RNASE9: variants seen among roughly 807,000 people sequenced by gnomAD.
The protein encoded by RNASE9 is ribonuclease A family member 9 (inactive), also known as inactive ribonuclease-like protein 9.
For synonymous variants in RNASE9, 95 were observed against 87.6 expected (o/e 1.08, Z -0.47); for missense variants, 263 against 247.1 (o/e 1.06, Z -0.43).
intron 1 of RNASE9, among the ~76,000 whole-genome samples, chr14:20,559,972 T>C (rs545383619): frequency 3.9e-5 from 6 of 152,250 alleles, no homozygotes; most frequent in Non-Finnish European, 8.8e-5. Context: ...TTGGAGGGGT[T>C]GTCTATCTAG....
In RNASE9 at chr14:20,556,867, C is replaced by T. The variant is rs75768291; in HGVS notation, c.203G>A (p.Arg68His). 262 of 1,614,164 alleles carry T rather than the reference C, an allele frequency of 1.6e-4. 1 individual carries two copies. The African/African-American group carries it at 2.6e-3, about 16-fold the overall frequency. ...TGGCATTCCAGGTTCAATAAGGACA[C>T]GTCTTTTGACTTTTTCTTTGGTAGG... is the stretch of plus-strand genomic sequence containing the variant. The change falls in exon 3 of 3, where the codon CGT (arginine) becomes CAT (histidine). Residue 68 changes from arginine to histidine, a missense_variant. Coordinates refer to ENST00000555230, the Ensembl canonical transcript of RNASE9.
intron 2 of RNASE9, among the ~76,000 whole-genome samples, chr14:20,558,862 T>G (rs1013274473): frequency 6.6e-6 from 1 of 152,248 alleles, no homozygotes. Context: ...GTGAATTTTT[T>G]AAATACTGTA....
At chr14:20,559,410 G>A (rs564874514) in intron 2 of RNASE9, among the ~76,000 whole-genome samples, 172 bp downstream of exon 2, 1 of 150,110 alleles carries the variant, frequency 6.7e-6, no homozygotes, top group East Asian at 2.0e-4. Context: ...AAGAAAGAGA[G>A]ACAGAGGAGA....
At chr14:20,556,808 T>C (rs374132625) in exon 3 of RNASE9, 5 of 1,613,784 alleles carry the variant, frequency 3.1e-6, no homozygotes, top group Non-Finnish European at 4.2e-6. Flanking sequence ...TTTTTTCCCA[T>C]GATTTCATGG....
exon 3 of RNASE9, chr14:20,558,134 G>A (rs1292848500): frequency 1.3e-5 from 4 of 296,584 alleles, no homozygotes; most frequent in African/African-American, 8.6e-5. Context: ...GCTCCATGAA[G>A]AACCAATTAT....
exon 3 of RNASE9, chr14:20,557,944 T>C (rs1303042914): frequency 2.6e-5 from 4 of 153,210 alleles, no homozygotes; most frequent in African/African-American, 9.6e-5. Flanking sequence ...TCAAGCCTAT[T>C]TTTGTCTAAA....
At chr14:20,557,035 G>A (rs1883732476) in exon 3 of RNASE9, 1 of 1,612,842 alleles carries the variant, frequency 6.2e-7, no homozygotes, top group Non-Finnish European at 8.5e-7. Context: ...TAGAAGCAGG[G>A]GCAGTGGGTG....
intron 1 of RNASE9, among the ~76,000 whole-genome samples, chr14:20,560,100 A>G (rs948204039): frequency 1.3e-5 from 2 of 152,074 alleles, no homozygotes; most frequent in Admixed American, 1.3e-4. Flanking sequence ...TTGTAGGTGA[A>G]CCAATATGTT....
In RNASE9 at chr14:20,558,979, T is replaced by C. The variant is rs147653786; in HGVS notation, c.-1581-329A>G. 6.7e-3 allele frequency among the ~76,000 whole-genome samples: 1,028 copies of C among 152,314 alleles called. 7 individuals are homozygous for C. Among genetic ancestry groups the C allele is most frequent in the African/African-American group, 0.024 (996 of 41,564 alleles). On this transcript the variant is annotated intron_variant, in intron 2 of 2. Coordinates refer to ENST00000555230, the Ensembl canonical transcript of RNASE9. ...TTTTTCACATGGTTTATACATAATC[T>C]CATCATCAATTATTTGGGAAAAAAT...
exon 3 of RNASE9, chr14:20,556,458 C>A (rs565646838): frequency 2.5e-6 from 4 of 1,604,158 alleles, no homozygotes; most frequent in Admixed American, 3.3e-5. Flanking sequence ...TCTGCTAGGG[C>A]GATATGACAA....
exon 3 of RNASE9, chr14:20,556,818 G>A: frequency 6.2e-7 from 1 of 1,613,976 alleles, no homozygotes; most frequent in Non-Finnish European, 8.5e-7. Context: ...TGATTTCATG[G>A]TTACAGTACT....
exon 3 of RNASE9, chr14:20,556,790 A>G (rs1287045687): frequency 6.2e-7 from 1 of 1,613,740 alleles, no homozygotes; most frequent in Admixed American, 1.7e-5. Flanking sequence ...CGGTGTTTGT[A>G]GTAAACATTT....
exon 3 of RNASE9, chr14:20,556,281 CA>C (rs1273342777): frequency 6.9e-6 from 4 of 577,334 alleles, no homozygotes; most frequent in Non-Finnish European, 1.2e-5. Flanking sequence ...CATCTCAGAG[CA>C]CCGTCTGTGA....
exon 3 of RNASE9, chr14:20,556,991 G>T (rs1364333537): frequency 6.2e-7 from 1 of 1,613,876 alleles, no homozygotes; most frequent in Non-Finnish European, 8.5e-7. Context: ...TCCACCTCTT[G>T]AAACTGCACC....
exon 3 of RNASE9, chr14:20,556,469 A>G (rs781300291): frequency 6.2e-7 from 1 of 1,611,210 alleles, no homozygotes; most frequent in Admixed American, 1.7e-5. Context: ...GATATGACAA[A>G]GACACCATCC....
exon 3 of RNASE9, chr14:20,558,510 CT>C: frequency 1.3e-6 from 2 of 1,489,720 alleles, no homozygotes; most frequent in Non-Finnish European, 1.8e-6. Context: ...CCTCCCCTCC[CT>C]GCTTTTCCTC....
At chr14:20,558,097 C>A in exon 3 of RNASE9, 1 of 259,324 alleles carries the variant, frequency 3.9e-6, no homozygotes, top group Admixed American at 4.9e-5. Flanking sequence ...ATTTGAGCCC[C>A]TAGAGTGCTT....
In RNASE9 at chr14:20,556,701, AC is replaced by A. The variant is rs1883707506; in HGVS notation, c.368del (p.Cys123LeufsTer15). On this transcript the variant is annotated frameshift_variant, in exon 3 of 3. Transcript: ENST00000555230. LOFTEE classifies it low-confidence loss of function (END_TRUNC). The stretch of plus-strand genomic sequence containing the variant: ...TGTTACATTTCCTAATTCCATTCTT[AC>A]ATGGCACAAATCTGTTGTAACAGAT... 6.2e-7 allele frequency: 1 copy of A among 1,613,788 alleles called. No individual in the cohort carries two copies.
At chr14:20,559,971 T>C (rs1261128318) in intron 1 of RNASE9, among the ~76,000 whole-genome samples, 1 of 151,988 alleles carries the variant, frequency 6.6e-6, no homozygotes, top group African/African-American at 2.4e-5. Context: ...CTTGGAGGGG[T>C]TGTCTATCTA....
Sources: gnomAD v4.1 joint callset for allele counts (sites outside exome capture counted in the v4.1 genomes callset) on GRCh38, gnomAD v4.1.1 for gene constraint, MANE v1.5 for transcripts, NCBI Gene and HGNC (gene_info 2026-07-23, HGNC 2026-07-21) for gene names.